Variants in DOCK3 observed in about 807,000 individuals in gnomAD.
The protein encoded by DOCK3 is dedicator of cytokinesis protein 3.
In DOCK3, 60 loss-of-function variants were observed where a neutral mutation model predicts 265.6. The observed-to-expected ratio is 0.23, with a 90% CI of 0.18 to 0.28. The LOEUF (loss-of-function observed/expected upper bound fraction) is 0.28, where lower values mean the gene tolerates loss of function less well. Among genes scored for constraint, DOCK3 ranks in the 10% least tolerant of loss-of-function variants. The probability of loss-of-function intolerance (pLI) is 1.00; values close to 1 mark genes in which losing one functional copy is unlikely to be tolerated. For synonymous variants in DOCK3, 881 were observed against 938.0 expected (o/e 0.94, Z 1.11); for missense variants, 1,981 against 2,594.3 (o/e 0.76, Z 5.14).
intron 38 of DOCK3, among the ~76,000 whole-genome samples, chr3:51,346,900 CA>C (rs1397215924): frequency 1.7e-4 from 26 of 149,548 alleles, no homozygotes; most frequent in East Asian, 5.9e-4. Context: ...TGATGATGAG[CA>C]TTTTTTCATG....
chr3:51,030,842 A>G (rs2080017401), intron 5 of DOCK3, among the ~76,000 whole-genome samples: 1 of 152,144 alleles, frequency 6.6e-6, no homozygotes. Context: ...GCTCTCATCT[A>G]TTAGTGGCCA....
intron 14 of DOCK3, among the ~76,000 whole-genome samples, chr3:51,224,434 T>A (rs1313338069): frequency 6.6e-6 from 1 of 152,130 alleles, no homozygotes; most frequent in African/African-American, 2.4e-5. Context: ...AGAGAGGTAG[T>A]CAGTGCAAAA....
chr3:51,281,382 T>C (rs1390172365), intron 27 of DOCK3, among the ~76,000 whole-genome samples: 1 of 151,094 alleles, frequency 6.6e-6, no homozygotes, highest in East Asian at 1.9e-4. Flanking sequence ...ATATGGCCCA[T>C]GGGCCGTGGG....
intron 35 of DOCK3, among the ~76,000 whole-genome samples, chr3:51,335,916 G>A (rs1340568430): frequency 6.6e-6 from 1 of 151,584 alleles, no homozygotes; most frequent in Non-Finnish European, 1.5e-5. Context: ...CACTTTAGCC[G>A]GGGAGGTCGA....
rs753509293 is a variant in DOCK3 at position 50,737,452 on chromosome 3, A to C, written c.38-41223A>C. On this transcript the variant is annotated intron_variant, in intron 1 of 52. Coordinates refer to ENST00000266037, the MANE Select transcript of DOCK3 (RefSeq NM_004947.5). ...TTGAAGGATCCACCCTCATGATTCA[A>C]TCACCTCCCACCAGGCCCCACCTCC... Among the ~76,000 whole-genome samples the C allele has an allele frequency of 2.0e-5, 3 of 152,172 alleles. No individual in the cohort carries two copies. The East Asian group carries it at 5.8e-4, about 29-fold the overall frequency.
chr3:50,776,047 A>G (rs1273774383), intron 1 of DOCK3, among the ~76,000 whole-genome samples: 3 of 152,174 alleles, frequency 2.0e-5, no homozygotes, highest in African/African-American at 7.2e-5. Context: ...TGCTATAAAT[A>G]TGCATGTGGA....
At chr3:51,376,056 C>G (rs2088097609) in intron 51 of DOCK3, among the ~76,000 whole-genome samples, 1 of 152,206 alleles carries the variant, frequency 6.6e-6, no homozygotes, top group Admixed American at 6.5e-5. Context: ...GGCCTACCCT[C>G]AGAGGTCCCA....
At chr3:50,778,500 C>G (rs143001776) in intron 1 of DOCK3, among the ~76,000 whole-genome samples, 175 bp from the exon 2 acceptor site, 2 of 152,082 alleles carry the variant, frequency 1.3e-5, no homozygotes, top group African/African-American at 2.4e-5. Context: ...TCCCAAACTG[C>G]TAATATTATT....
chr3:51,024,077 C>CTTCA (rs1466825666), intron 5 of DOCK3, among the ~76,000 whole-genome samples: 1 of 151,996 alleles, frequency 6.6e-6, no homozygotes, highest in Non-Finnish European at 1.5e-5. Context: ...AAGGGTCTGA[C>CTTCA]TTCAATGTTT....
intron 14 of DOCK3, among the ~76,000 whole-genome samples, chr3:51,220,719 A>G (rs1446205879): frequency 1.4e-3 from 156 of 108,694 alleles, no homozygotes; most frequent in Middle Eastern, 4.7e-3. Flanking sequence ...GTATATATAT[A>G]TATATATATA....
At chr3:51,252,903 A>T (rs113825357) in intron 22 of DOCK3, among the ~76,000 whole-genome samples, 1 of 152,136 alleles carries the variant, frequency 6.6e-6, no homozygotes, top group East Asian at 1.9e-4. Context: ...CACTATGTTG[A>T]ATAGGAGTGG....
chr3:51,332,876 A>G, intron 33 of DOCK3, 125 bp from the exon 34 acceptor site: 2 of 1,245,552 alleles, frequency 1.6e-6, no homozygotes, highest in South Asian at 1.3e-5. Context: ...CTGGAGCCGA[A>G]CCCCTCCCTC....
chr3:51,107,211 G>A (rs2083315838), intron 9 of DOCK3, among the ~76,000 whole-genome samples: 1 of 152,078 alleles, frequency 6.6e-6, no homozygotes. Context: ...ACCATCCAAA[G>A]GATAGCAGGT....
intron 12 of DOCK3, among the ~76,000 whole-genome samples, chr3:51,178,534 A>T (rs115158155): frequency 6.6e-6 from 1 of 152,338 alleles, no homozygotes; most frequent in East Asian, 1.9e-4. Context: ...CAGCTTTAAC[A>T]TACCCACCTT....
At position 50,954,600 on chromosome 3, in the gene DOCK3, G is replaced by A. The variant is rs1032775504; in HGVS notation, c.315+20523G>A. ...GGAGAACAATTAAGGGTAAAAGTTCGTATGCTTGTTAGCTGCATGTATATT... is the reference window on the plus strand; with the variant it reads ...GGAGAACAATTAAGGGTAAAAGTTCATATGCTTGTTAGCTGCATGTATATT... On this transcript the variant is annotated intron_variant, in intron 5 of 52. Transcript: ENST00000266037. 8.6e-5 allele frequency among the ~76,000 whole-genome samples: 13 copies of A among 152,022 alleles called. No homozygotes were observed. The South Asian group carries it at 1.0e-3, about 12-fold the overall frequency.
intron 1 of DOCK3, among the ~76,000 whole-genome samples, chr3:50,706,118 T>A (rs2036398811): frequency 6.6e-6 from 1 of 152,140 alleles, no homozygotes; most frequent in African/African-American, 2.4e-5. Context: ...CTCCTTTGCC[T>A]TCTGCCATGA....
chr3:50,778,704 C>G lies in DOCK3; in HGVS notation c.67C>G (p.Gln23Glu), dbSNP rs1490319706. The G allele has an allele frequency of 6.3e-7, 1 of 1,589,082 alleles. No individual in the cohort carries two copies. ...ATGCAGCTTTCGAGGATCTGTCCCT[C>G]AAGGGTTGGTCTTAGAAATAGGAGA... ...VICSFRGSVP[Q>E]GLVLEIGETV... Residue 23 changes from glutamine to glutamate, a missense_variant, in exon 2 of 53, where the codon CAA becomes GAA. Physicochemically the swap from Gln to Glu is conservative, Grantham distance 29 (BLOSUM62 2). Coordinates refer to ENST00000266037, the MANE Select transcript of DOCK3 (RefSeq NM_004947.5).
At chr3:50,988,842 G>T (rs1250526360) in intron 5 of DOCK3, among the ~76,000 whole-genome samples, 1 of 152,116 alleles carries the variant, frequency 6.6e-6, no homozygotes, top group Non-Finnish European at 1.5e-5. Context: ...AGGTCCTCCA[G>T]GCCTGTGCCT....
intron 32 of DOCK3, among the ~76,000 whole-genome samples, chr3:51,326,587 T>TTGC (rs200321277): frequency 0.18 from 1,248 of 6,982 alleles, 14 homozygotes; most frequent in East Asian, 0.28. Context: ...GCATGTTTTG[T>TTGC]TGTTGTTGTT....
Sources: gnomAD v4.1 joint callset for allele counts (sites outside exome capture counted in the v4.1 genomes callset) on GRCh38, gnomAD v4.1.1 for gene constraint, MANE v1.5 for transcripts, NCBI Gene and HGNC (gene_info 2026-07-23, HGNC 2026-07-21) for gene names.